Variants in CALCRL observed in about 807,000 individuals in gnomAD.
The protein encoded by CALCRL is calcitonin gene-related peptide type 1 receptor.
CALCRL carries 27 observed loss-of-function variants against 60.4 expected under a neutral mutation model. That is an observed-to-expected ratio of 0.45 (90% CI 0.33 to 0.62). The LOEUF (loss-of-function observed/expected upper bound fraction) is 0.62. CALCRL is among the 20% of genes least tolerant of loss of function. The pLI is 0.03. For missense variants in CALCRL, 424 were observed against 540.7 expected, an observed-to-expected ratio of 0.78 and a Z score of 2.14; for synonymous variants, 190 against 182.6, an observed-to-expected ratio of 1.04 and a Z score of -0.33.
chr2:187,413,577 C>T (rs902270920), intron 1 of CALCRL, among the ~76,000 whole-genome samples: 8 of 152,078 alleles, frequency 5.3e-5, no homozygotes, highest in Non-Finnish European at 7.4e-5. Flanking sequence ...CCCCAGCAAA[C>T]GATAGAAATG....
intron 1 of CALCRL, among the ~76,000 whole-genome samples, chr2:187,402,382 T>G (rs950754092): frequency 1.3e-5 from 2 of 151,482 alleles, no homozygotes; most frequent in African/African-American, 2.4e-5. Flanking sequence ...ATTGATCAGC[T>G]GGAATGATGC....
At chr2:187,376,835 C>T (rs561046540) in intron 8 of CALCRL, among the ~76,000 whole-genome samples, 3 of 152,082 alleles carry the variant, frequency 2.0e-5, no homozygotes, top group Admixed American at 2.0e-4. Context: ...TTAATGTGCT[C>T]GGATATTTCA....
intron 1 of CALCRL, among the ~76,000 whole-genome samples, chr2:187,442,944 T>A (rs1413644660): frequency 6.6e-6 from 1 of 151,916 alleles, no homozygotes; most frequent in Non-Finnish European, 1.5e-5. Context: ...TCATAATATA[T>A]GTAGGATAAA....
chr2:187,398,187 G>T (rs1479069859), intron 1 of CALCRL, among the ~76,000 whole-genome samples: 1 of 151,616 alleles, frequency 6.6e-6, no homozygotes, highest in Non-Finnish European at 1.5e-5. Context: ...AATATGGAAA[G>T]AATTAATTGC....
At chr2:187,404,940 G>T (rs1455599013) in intron 1 of CALCRL, among the ~76,000 whole-genome samples, 2 of 151,948 alleles carry the variant, frequency 1.3e-5, no homozygotes, top group Non-Finnish European at 2.9e-5. Context: ...AGGGCAGAGA[G>T]CACAGGTTTC....
chr2:187,390,775 A>G (rs1688404407), intron 1 of CALCRL, among the ~76,000 whole-genome samples: 1 of 152,130 alleles, frequency 6.6e-6, no homozygotes, highest in South Asian at 2.1e-4. Context: ...AAACTTGTGT[A>G]TTCCTAATCA....
In CALCRL at chr2:187,358,521, A is replaced by AC. The variant is rs201718493; in HGVS notation, c.909+541dup. Among the ~76,000 whole-genome samples the AC allele has an allele frequency of 3.4e-3, 466 of 137,558 alleles. 2 individuals carry two copies. Among genetic ancestry groups the AC allele is most frequent in the African/African-American group, 0.011 (413 of 37,010 alleles). 90.2% of individuals were successfully genotyped at this position (137,558 alleles called of 152,430 possible). A position where few individuals can be genotyped will look rare whatever the true frequency, so the allele number is the denominator to read the frequency against. On this transcript the variant is annotated intron_variant, in intron 12 of 14. Coordinates refer to ENST00000392370, the MANE Select transcript of CALCRL (RefSeq NM_005795.6). ...TGTTTTTTCTTATTTGTCACCTCCC[A>AC]CCCCCCCCTGCTAGATTCATCCTCT...
chr2:187,399,279 C>T (rs1412690146), intron 1 of CALCRL, among the ~76,000 whole-genome samples: 3 of 151,432 alleles, frequency 2.0e-5, no homozygotes, highest in African/African-American at 4.8e-5. Flanking sequence ...AATACATCTA[C>T]GGAGTAATTT....
intron 5 of CALCRL, among the ~76,000 whole-genome samples, chr2:187,382,969 A>G (rs1688040597): frequency 6.6e-6 from 1 of 152,190 alleles, no homozygotes; most frequent in South Asian, 2.1e-4. Flanking sequence ...TAAAAAGATC[A>G]CTGTCACATA....
chr2:187,410,886 G>C (rs771629200), intron 1 of CALCRL, among the ~76,000 whole-genome samples: 1 of 152,018 alleles, frequency 6.6e-6, no homozygotes, highest in Non-Finnish European at 1.5e-5. Flanking sequence ...TGTTGGTGTC[G>C]GGGCAGGGGG....
intron 9 of CALCRL, among the ~76,000 whole-genome samples, chr2:187,362,641 T>C (rs1687105224): frequency 6.6e-6 from 1 of 152,058 alleles, no homozygotes; most frequent in African/African-American, 2.4e-5. Context: ...ATTTTTAAAA[T>C]TTGAATGTAT....
At chr2:187,350,487 G>A (rs1454294602) in intron 14 of CALCRL, among the ~76,000 whole-genome samples, 1 of 150,730 alleles carries the variant, frequency 6.6e-6, no homozygotes, top group African/African-American at 2.4e-5. Context: ...TATAGCAGAA[G>A]AATTATGGAA....
At chr2:187,354,222 C>T (rs548302737) in intron 12 of CALCRL, among the ~76,000 whole-genome samples, 1 of 152,046 alleles carries the variant, frequency 6.6e-6, no homozygotes, top group African/African-American at 2.4e-5. Context: ...AGCTAGTAGG[C>T]CCATCAGGCT....
chr2:187,365,007 G>A (rs552336575), intron 8 of CALCRL, among the ~76,000 whole-genome samples: 2 of 152,098 alleles, frequency 1.3e-5, no homozygotes, highest in South Asian at 2.1e-4. Flanking sequence ...GAGTAGTGAC[G>A]CAGACAGTAA....
At chr2:187,388,857 G>A (rs553505271) in intron 1 of CALCRL, among the ~76,000 whole-genome samples, 2 of 151,694 alleles carry the variant, frequency 1.3e-5, no homozygotes, top group Non-Finnish European at 2.9e-5. Context: ...TTTTATATAG[G>A]CAAAATTGCT....
intron 8 of CALCRL, among the ~76,000 whole-genome samples, chr2:187,365,931 G>C (rs180810319): frequency 6.6e-4 from 100 of 152,222 alleles, no homozygotes; most frequent in Middle Eastern, 3.4e-3. Context: ...TTTGTTAAAG[G>C]ATACAAAATT....
At chr2:187,380,899 T>C in intron 5 of CALCRL, 112 bp from the exon 6 acceptor site, 1 of 608,124 alleles carries the variant, frequency 1.6e-6, no homozygotes, top group Non-Finnish European at 2.8e-6. Flanking sequence ...CTACTGAAAA[T>C]GCAGACATTA....
chr2:187,419,567 G>A, intron 1 of CALCRL, among the ~76,000 whole-genome samples: 1 of 152,106 alleles, frequency 6.6e-6, no homozygotes, highest in East Asian at 1.9e-4. Flanking sequence ...CCAGCTCACA[G>A]AACTTAACAC....
intron 1 of CALCRL, among the ~76,000 whole-genome samples, chr2:187,404,142 T>C (rs1174786881): frequency 3.3e-5 from 5 of 151,780 alleles, no homozygotes; most frequent in African/African-American, 1.2e-4. Context: ...CACCCTTAAC[T>C]GGACCAGGAT....
Sources: gnomAD v4.1 joint callset for allele counts (sites outside exome capture counted in the v4.1 genomes callset) on GRCh38, gnomAD v4.1.1 for gene constraint, MANE v1.5 for transcripts, NCBI Gene and HGNC (gene_info 2026-07-23, HGNC 2026-07-21) for gene names.